ARHGAP23: variants seen among roughly 807,000 people sequenced by gnomAD.
The protein encoded by ARHGAP23 is rho GTPase-activating protein 23.
Under a neutral mutation model 136.3 loss-of-function variants are expected in ARHGAP23, and 34 were observed. The observed-to-expected ratio is 0.25, with a 90% CI of 0.19 to 0.33. The LOEUF (loss-of-function observed/expected upper bound fraction) is 0.33. Ranked by LOEUF, ARHGAP23 falls within the 10% of genes least tolerant of loss-of-function variation. The pLI is 1.00. For synonymous variants in ARHGAP23, 832 were observed against 920.5 expected (o/e 0.90, Z 1.74); for missense variants, 1,808 against 2,139.0 (o/e 0.85, Z 3.05).
chr17:38,451,512 T>C (rs561766241), intron 1 of ARHGAP23: 1 of 152,438 alleles, frequency 6.6e-6, no homozygotes, highest in African/African-American at 2.4e-5. Context: ...GCAGCACCTG[T>C]TGGCCATCAG....
upstream of ARHGAP23, among the ~76,000 whole-genome samples, chr17:38,425,579 G>A (rs541855183): frequency 8.9e-4 from 135 of 152,284 alleles, no homozygotes; most frequent in African/African-American, 3.0e-3. Flanking sequence ...GAAGGATGGT[G>A]ATTGGGCTGG....
intron 1 of ARHGAP23, among the ~76,000 whole-genome samples, chr17:38,445,329 T>C (rs1322092783): frequency 7.9e-6 from 1 of 125,944 alleles, no homozygotes; most frequent in Admixed American, 8.4e-5. Flanking sequence ...AAAAAAAAGA[T>C]AGCTGGGCAT....
In ARHGAP23 at chr17:38,447,888, C is replaced by T. The variant is rs543630810; in HGVS notation, c.64-10214C>T. Among the ~76,000 whole-genome samples the T allele has an allele frequency of 3.5e-4, 54 of 152,352 alleles. 1 individual carries two copies. The highest frequency in any genetic ancestry group is 1.4e-3 in the Admixed American group (22 of 15,306). ...GGTGTTTACTTTGTGGCTGGCTAGA[C>T]GCACCCTTTTCTGTAAGTGCTCATT... On this transcript the variant is annotated intron_variant, in intron 1 of 23. Coordinates refer to ENST00000622683, the MANE Select transcript of ARHGAP23 (RefSeq NM_001199417.2).
chr17:38,424,105 G>A (rs2038546540), upstream of ARHGAP23, among the ~76,000 whole-genome samples: 1 of 152,168 alleles, frequency 6.6e-6, no homozygotes, highest in Non-Finnish European at 1.5e-5. Flanking sequence ...CGCAGGGAGG[G>A]TGCAGCACGA....
intron 1 of ARHGAP23, 72 bp downstream of exon 1, chr17:38,428,620 C>G (rs2038614229): frequency 1.8e-6 from 2 of 1,088,594 alleles, no homozygotes. Flanking sequence ...GCCAGGGTCG[C>G]TGCGACCCCG....
intron 12 of ARHGAP23, among the ~76,000 whole-genome samples, chr17:38,478,841 T>C (rs530780722): frequency 3.4e-4 from 52 of 152,158 alleles, no homozygotes; most frequent in African/African-American, 1.3e-3. Context: ...CCACACAAAG[T>C]CATGTGGGCG....
chr17:38,428,361 G>C (rs1597731386), upstream of ARHGAP23: 1 of 310,488 alleles, frequency 3.2e-6, no homozygotes, highest in East Asian at 6.3e-5. Flanking sequence ...GGGGAGGGGC[G>C]AGGGGGCGGA....
At chr17:38,431,460 G>C (rs2038683970) in intron 1 of ARHGAP23, among the ~76,000 whole-genome samples, 1 of 152,158 alleles carries the variant, frequency 6.6e-6, no homozygotes, top group Non-Finnish European at 1.5e-5. Flanking sequence ...GACATGAATA[G>C]GGCCTGTGGG....
chr17:38,462,415 A>C (rs760724572), intron 3 of ARHGAP23, among the ~76,000 whole-genome samples: 12 of 150,766 alleles, frequency 8.0e-5, no homozygotes, highest in Non-Finnish European at 1.3e-4. Context: ...GCCACCACAC[A>C]CAGCTAATTT....
intron 19 of ARHGAP23, 25 bp downstream of exon 19, chr17:38,490,576 C>G: frequency 6.8e-7 from 1 of 1,479,556 alleles, no homozygotes; most frequent in Non-Finnish European, 9.2e-7. Flanking sequence ...CGCATGGAGT[C>G]TGGGGGAGGC....
chr17:38,495,109 G>C (rs1412026260), intron 20 of ARHGAP23, among the ~76,000 whole-genome samples: 2 of 152,188 alleles, frequency 1.3e-5, no homozygotes, highest in Non-Finnish European at 2.9e-5. Flanking sequence ...GGCCTAGAAG[G>C]AGGTACTCAC....
chr17:38,426,550 CAAA>C (rs751365956), upstream of ARHGAP23, among the ~76,000 whole-genome samples: 52 of 51,222 alleles, frequency 1.0e-3, 1 homozygote, highest in African/African-American at 3.4e-3. Flanking sequence ...AACTCCATCT[CAAA>C]AAAAAAAAAA....
rs761201395 is a variant in ARHGAP23, at chr17:38,510,188, C to T, written c.3692C>T (p.Pro1231Leu). Residue 1231 changes from proline (P) to leucine (L), a missense_variant, in exon 24 of 24, where the codon CCC becomes CTC. By Grantham distance (98) the Pro-to-Leu change is moderately conservative. Around this residue, in one of 7 missense-constraint regions of ARHGAP23, gnomAD observed 506 missense variants for 455.8 expected, o/e 1.11. Transcript: ENST00000622683. This position sits in a 1 kb window ranked among gnomAD's most constrained non-coding sequence, Gnocchi z 4.6. ...CCCGAGGCCCCCGGACGCCTCAGTC[C>T]CCCGGCGGCGCCGGAGGAGCGGCCG... ...VAPEAPGRLSPPAAPEERPAA... is the reference protein window; with the variant it reads ...VAPEAPGRLSLPAAPEERPAA... The T allele has an allele frequency of 2.5e-4, 342 of 1,349,794 alleles. 4 individuals carry two copies. The East Asian group carries it at 0.01, about 41-fold the overall frequency. The allele number at this position is 1,349,794 out of a possible 1,614,324, so 83.6% of individuals were successfully genotyped here. A position where few individuals can be genotyped will look rare whatever the true frequency, so the allele number is the denominator to read the frequency against.
At chr17:38,427,060 C>T (rs968323263), upstream of ARHGAP23, among the ~76,000 whole-genome samples, 1 of 152,092 alleles carries the variant, frequency 6.6e-6, no homozygotes, top group Non-Finnish European at 1.5e-5. Context: ...TATGGAAGCC[C>T]CTTAAACTGA....
At chr17:38,496,892 G>C (rs2040404133) in intron 20 of ARHGAP23, among the ~76,000 whole-genome samples, 1 of 151,860 alleles carries the variant, frequency 6.6e-6, no homozygotes, top group African/African-American at 2.4e-5. Flanking sequence ...GGCAGAGGTT[G>C]CAGTGAGCCA....
chr17:38,498,903 T>TCTCTTCTCCTCCCCCTCCCCTC, intron 22 of ARHGAP23: 1 of 674,404 alleles, frequency 1.5e-6, no homozygotes, highest in Non-Finnish European at 2.7e-6. Context: ...CCCACCCCCT[T>TCTCTTCTCCTCCCCCTCCCCTC]CTCTTCTCCT....
intron 1 of ARHGAP23, among the ~76,000 whole-genome samples, chr17:38,443,628 G>A (rs1297040056): frequency 2.6e-5 from 4 of 151,802 alleles, no homozygotes; most frequent in African/African-American, 9.7e-5. Context: ...TCAGTTCATA[G>A]GCAGGGCCAC....
chr17:38,476,821 G>T (rs1194172721), intron 11 of ARHGAP23, among the ~76,000 whole-genome samples: 1 of 152,192 alleles, frequency 6.6e-6, no homozygotes, highest in Non-Finnish European at 1.5e-5. Context: ...TCCCTCAGAT[G>T]CCATAGCACA....
At position 38,469,534 on chromosome 17, in the gene ARHGAP23, G is replaced by T. The variant is rs2039693786; in HGVS notation, c.1815G>T (p.Lys605Asn). 1.9e-6 allele frequency: 3 copies of T among 1,548,252 alleles called. No individual in the cohort carries two copies. The East Asian group carries it at 7.3e-5, about 38-fold the overall frequency. The change falls in exon 9 of 24, where the codon AAG becomes AAT. Residue 605 changes from lysine to asparagine, a missense_variant. Physicochemically the swap from Lys to Asn is moderately conservative, Grantham distance 94 (BLOSUM62 0). Coordinates refer to ENST00000622683, the MANE Select transcript of ARHGAP23 (RefSeq NM_001199417.2). ...RHYSQDCSSI[K>N]AGRRSSYLLA... ...TGGGCGGCTTTGCAGGCAGCATCAA[G>T]GCTGGCCGCCGCTCCTCCTACCTGC...
Sources: allele counts gnomAD v4.1 joint callset (sites outside exome capture counted in the v4.1 genomes callset), GRCh38; gene constraint gnomAD v4.1.1; regional missense constraint gnomAD v4.1.1; non-coding constraint Gnocchi (gnomAD v3.1); transcripts MANE v1.5; gene names NCBI Gene and HGNC (gene_info 2026-07-23, HGNC 2026-07-21).